RIPOR2: variants seen among roughly 807,000 people sequenced by gnomAD.
The protein encoded by RIPOR2 is rho family-interacting cell polarization regulator 2.
In RIPOR2, 39 loss-of-function variants were observed where a neutral mutation model predicts 114.5. The observed-to-expected ratio is 0.34, with a 90% CI of 0.26 to 0.44. RIPOR2 has a LOEUF of 0.44. Ranked by LOEUF, RIPOR2 falls within the 20% of genes least tolerant of loss-of-function variation. The pLI, the probability that RIPOR2 is intolerant of heterozygous loss-of-function variation, is 1.00. For missense variants in RIPOR2, 1,007 were observed against 1,255.1 expected (o/e 0.80, Z 2.99); for synonymous variants, 445 against 484.4 (o/e 0.92, Z 1.07).
At chr6:24,840,620 C>A in intron 13 of RIPOR2, 1 of 1,526,328 alleles carries the variant, frequency 6.6e-7, no homozygotes. Flanking sequence ...GTAGGAAGGG[C>A]CTTGCAGGGA....
intron 1 of RIPOR2, among the ~76,000 whole-genome samples, chr6:25,003,861 A>G (rs1351490248): frequency 6.6e-6 from 1 of 152,232 alleles, no homozygotes; most frequent in Admixed American, 6.5e-5. Context: ...TTGTTCAAAT[A>G]GTATTTTTGA....
At chr6:25,011,887 A>G (rs1775787407) in intron 1 of RIPOR2, among the ~76,000 whole-genome samples, 1 of 152,246 alleles carries the variant, frequency 6.6e-6, no homozygotes, top group Non-Finnish European at 1.5e-5. Flanking sequence ...AATATTGGAC[A>G]TCATCAAAAT....
chr6:24,973,595 C>CAA lies in RIPOR2; in HGVS notation c.76+68254_76+68255dup, dbSNP rs61341684. Among the ~76,000 whole-genome samples, 367 of 129,282 alleles carry CAA rather than the reference C, an allele frequency of 2.8e-3. 3 individuals carry two copies. The highest frequency in any genetic ancestry group is 4.0e-3 in the Admixed American group (50 of 12,536). The allele number at this position is 129,282 out of a possible 152,430, so 84.8% of individuals were successfully genotyped here. A position where few individuals can be genotyped will look rare whatever the true frequency, so the allele number is the denominator to read the frequency against. On this transcript the variant is annotated intron_variant, in intron 1 of 13. Coordinates refer to the RIPOR2 transcript ENST00000510784. The stretch of plus-strand genomic sequence containing the variant: ...CTAGTGACAGAGTGAGACTGCATCT[C>CAA]AAAAAAAAAAAAAAAAGTCATCCTT...
At position 24,927,275 on chromosome 6, in the gene RIPOR2, TCACCACCACCAC is replaced by T. The variant is rs749603328; in HGVS notation, c.61+8551_61+8562del. 1.6e-3 allele frequency among the ~76,000 whole-genome samples: 4 copies of T among 2,550 alleles called. 1 individual carries two copies. Among genetic ancestry groups the T allele is most frequent in the African/African-American group, 3.5e-3 (1 of 286 alleles). 1.7% of individuals were successfully genotyped at this position (2,550 alleles called of 152,430 possible). A position where few individuals can be genotyped will look rare whatever the true frequency, so the allele number is the denominator to read the frequency against. Reference sequence around the variant, plus strand: ...ACCACCACCACCACCACAGCTACAATCACCACCACCACCACCACCACCACCACCACAACTACA... The same window carrying T: ...ACCACCACCACCACCACAGCTACAATCACCACCACCACCACCACAACTACA... On this transcript the variant is annotated intron_variant, in intron 1 of 21. Coordinates refer to ENST00000643898, the MANE Select transcript of RIPOR2 (RefSeq NM_001286445.3).
At chr6:24,955,803 G>A (rs956848309) in intron 1 of RIPOR2, among the ~76,000 whole-genome samples, 1 of 151,264 alleles carries the variant, frequency 6.6e-6, no homozygotes, top group Non-Finnish European at 1.5e-5. Flanking sequence ...TCAGGAGTTC[G>A]AAACCAGCCT....
chr6:24,820,327 G>A (rs1447792691), intron 19 of RIPOR2, among the ~76,000 whole-genome samples: 2 of 152,090 alleles, frequency 1.3e-5, no homozygotes, highest in Admixed American at 6.6e-5. Flanking sequence ...CACTGCACAC[G>A]GCCCCTGTTT....
intron 1 of RIPOR2, among the ~76,000 whole-genome samples, chr6:24,882,710 T>C (rs1442592797): frequency 6.6e-6 from 1 of 152,246 alleles, no homozygotes; most frequent in Non-Finnish European, 1.5e-5. Context: ...CCTTCTCATA[T>C]AAAGCATAAT....
intron 19 of RIPOR2, among the ~76,000 whole-genome samples, chr6:24,820,250 C>T (rs1759560194): frequency 6.6e-6 from 1 of 152,128 alleles, no homozygotes; most frequent in African/African-American, 2.4e-5. Flanking sequence ...CCAGGCTGAT[C>T]TCAAACTCCT....
intron 1 of RIPOR2, chr6:25,015,563 A>C (rs536203892): frequency 6.6e-6 from 1 of 152,280 alleles, no homozygotes; most frequent in South Asian, 2.1e-4. Context: ...AATTCATAGG[A>C]TCCTCTTGAC....
intron 1 of RIPOR2, among the ~76,000 whole-genome samples, chr6:25,013,023 G>GT (rs35237151): frequency 7.4e-4 from 108 of 146,252 alleles, no homozygotes; most frequent in Middle Eastern, 3.5e-3. Flanking sequence ...CCATCTCTGG[G>GT]TTTTTTTTTT....
At chr6:24,935,320 CAAAAAAAAAA>C (rs976245217) in intron 1 of RIPOR2, among the ~76,000 whole-genome samples, 51 of 21,842 alleles carry the variant, frequency 2.3e-3, no homozygotes, top group African/African-American at 5.0e-3. Flanking sequence ...AAAACAACAA[CAAAAAAAAAA>C]AAAAAAAAAA....
intron 1 of RIPOR2, among the ~76,000 whole-genome samples, chr6:25,009,211 G>A (rs1471744643): frequency 1.3e-5 from 2 of 152,206 alleles, no homozygotes; most frequent in Non-Finnish European, 2.9e-5. Context: ...TAAGACCAGT[G>A]TCAAAAACAG....
intron 1 of RIPOR2, among the ~76,000 whole-genome samples, chr6:24,901,830 T>C (rs563310032): frequency 6.6e-6 from 1 of 152,322 alleles, no homozygotes; most frequent in African/African-American, 2.4e-5. Context: ...ATCTCAGTGC[T>C]AACCAGCTAA....
At chr6:24,913,743 C>T (rs1242187355) in intron 1 of RIPOR2, among the ~76,000 whole-genome samples, 2 of 152,174 alleles carry the variant, frequency 1.3e-5, no homozygotes, top group Non-Finnish European at 2.9e-5. Context: ...CATTCTCTCT[C>T]TTATAATGCT....
At chr6:24,866,764 A>G (rs1470095854) in intron 6 of RIPOR2, among the ~76,000 whole-genome samples, 2 of 152,190 alleles carry the variant, frequency 1.3e-5, no homozygotes, top group South Asian at 2.1e-4. Context: ...ACAAACAACA[A>G]TACCATCAGG....
At chr6:24,956,743 C>T (rs1222263330) in intron 1 of RIPOR2, among the ~76,000 whole-genome samples, 1 of 152,306 alleles carries the variant, frequency 6.6e-6, no homozygotes, top group South Asian at 2.1e-4. Context: ...TTATAGGGAA[C>T]GTCTTTCCAC....
chr6:24,873,013 C>G (rs1765359992), intron 3 of RIPOR2, 54 bp from the exon 4 acceptor site: 1 of 1,236,256 alleles, frequency 8.1e-7, no homozygotes, highest in African/African-American at 1.5e-5. Context: ...TAAGTGGAAT[C>G]TGGTGCTGTT....
At chr6:24,921,168 C>CTT (rs369103949) in intron 1 of RIPOR2, among the ~76,000 whole-genome samples, 5 of 150,878 alleles carry the variant, frequency 3.3e-5, no homozygotes, top group Non-Finnish European at 5.9e-5. Context: ...CTCTCTCTCT[C>CTT]TTTTTTTTTG....
At position 24,825,280 on chromosome 6, in the gene RIPOR2, C is replaced by T. The variant is rs1562222805; in HGVS notation, c.2814G>A (p.Glu938=). Residue 938 remains glutamate, a synonymous_variant, in exon 19 of 22, where the codon GAG becomes GAA. Transcript: ENST00000643898. ...LLTREDNEVS[E]AVTLYLAAAS... ...CTGCTGCCAAGTAAAGCGTCACAGC[C>T]TCACTAACTTCGTTGTCCTCTCTGG... is the stretch of plus-strand genomic sequence containing the variant. 6.4e-7 allele frequency: 1 copy of T among 1,551,634 alleles called. No individual in the cohort carries two copies. The highest frequency in any genetic ancestry group is 8.7e-7 in the Non-Finnish European group (1 of 1,146,988).
Sources: gnomAD v4.1 joint callset for allele counts (sites outside exome capture counted in the v4.1 genomes callset) on GRCh38, gnomAD v4.1.1 for gene constraint, MANE v1.5 for transcripts, NCBI Gene and HGNC (gene_info 2026-07-23, HGNC 2026-07-21) for gene names.